Variants in TMEM108 observed in about 807,000 individuals in gnomAD.
TMEM108 encodes the protein transmembrane protein 108.
In TMEM108, 12 loss-of-function variants were observed where a neutral mutation model predicts 35.1. The observed-to-expected ratio is 0.34, with a 90% CI of 0.22 to 0.55. The LOEUF (loss-of-function observed/expected upper bound fraction) is 0.55, where lower values mean the gene tolerates loss of function less well. TMEM108 is among the 20% of genes least tolerant of loss of function. The probability of loss-of-function intolerance (pLI) is 0.89; values close to 1 mark genes in which losing one functional copy is unlikely to be tolerated. For synonymous variants in TMEM108, 287 were observed against 308.6 expected (o/e 0.93, Z 0.73); for missense variants, 680 against 753.3 (o/e 0.90, Z 1.14).
chr3:133,236,157 A>C (rs577247874), intron 3 of TMEM108, among the ~76,000 whole-genome samples: 2 of 152,160 alleles, frequency 1.3e-5, no homozygotes, highest in Non-Finnish European at 2.9e-5. Context: ...AGTGTTTGCT[A>C]TACACCCAGA....
At chr3:133,073,666 G>T (rs900264880) in intron 2 of TMEM108, among the ~76,000 whole-genome samples, 6 of 151,076 alleles carry the variant, frequency 4.0e-5, no homozygotes, top group African/African-American at 9.7e-5. Context: ...ATTTCCTTTG[G>T]ATATATACCC....
At chr3:133,342,132 A>G (rs2071676009) in intron 3 of TMEM108, among the ~76,000 whole-genome samples, 2 of 152,030 alleles carry the variant, frequency 1.3e-5, no homozygotes, top group South Asian at 2.1e-4. Flanking sequence ...CAGACTATCT[A>G]TCTGACAAGG....
intron 3 of TMEM108, among the ~76,000 whole-genome samples, chr3:133,310,294 C>G (rs2071107854): frequency 6.6e-6 from 1 of 152,246 alleles, no homozygotes; most frequent in South Asian, 2.1e-4. Flanking sequence ...CTAATATTGA[C>G]AGTGGGTTGT....
At chr3:133,118,880 A>G (rs1944318286) in intron 2 of TMEM108, among the ~76,000 whole-genome samples, 2 of 152,274 alleles carry the variant, frequency 1.3e-5, no homozygotes, top group Non-Finnish European at 1.5e-5. Context: ...CCACAGACCA[A>G]TAGTAAGAAG....
chr3:133,174,107 G>T (rs1478296025), intron 2 of TMEM108, among the ~76,000 whole-genome samples: 2 of 152,230 alleles, frequency 1.3e-5, no homozygotes, highest in Non-Finnish European at 2.9e-5. Context: ...AGATCAAACT[G>T]CAAGGTGGCA....
At chr3:133,240,217 T>C (rs1240204148) in intron 3 of TMEM108, among the ~76,000 whole-genome samples, 3 of 152,194 alleles carry the variant, frequency 2.0e-5, no homozygotes, top group African/African-American at 7.2e-5. Flanking sequence ...ATAGATCTCT[T>C]TACTTCTGAG....
At chr3:133,168,804 T>C (rs1945083702) in intron 2 of TMEM108, among the ~76,000 whole-genome samples, 1 of 152,192 alleles carries the variant, frequency 6.6e-6, no homozygotes, top group Non-Finnish European at 1.5e-5. Context: ...TTACTTTGCC[T>C]TTATGAGCTG....
intron 3 of TMEM108, among the ~76,000 whole-genome samples, chr3:133,323,516 A>G (rs1331577809): frequency 4.6e-5 from 7 of 152,202 alleles, no homozygotes; most frequent in Non-Finnish European, 1.0e-4. Context: ...GTACTGAAAG[A>G]AATTATAGAT....
rs750313667 is a variant in TMEM108 at position 133,380,344 on chromosome 3, G to C, written c.633G>C (p.Arg211=). 6.2e-7 allele frequency: 1 copy of C among 1,614,096 alleles called. No individual in the cohort carries two copies. The highest frequency in any genetic ancestry group is 8.5e-7 in the Non-Finnish European group (1 of 1,179,994). Residue 211 remains arginine (R), a synonymous_variant, in exon 4 of 6, where the codon CGG becomes CGC. Coordinates refer to ENST00000321871, the MANE Select transcript of TMEM108 (RefSeq NM_023943.4). This position sits in a 1 kb window ranked among gnomAD's most constrained non-coding sequence, Gnocchi z 5.3. ...GCTCCACACCTCTGGGGCAGAAGCG[G>C]CCCCTGGGGAAAATCTTTCAGATCT... The part of the protein sequence containing the change: ...NPSSTPLGQK[R]PLGKIFQIYK...
chr3:133,106,272 A>T (rs920989748), intron 2 of TMEM108, among the ~76,000 whole-genome samples: 9 of 143,290 alleles, frequency 6.3e-5, no homozygotes, highest in Non-Finnish European at 1.0e-4. Flanking sequence ...TCTATACTGG[A>T]TTTCACTTAG....
intron 2 of TMEM108, chr3:133,121,072 C>T (rs1944346918): frequency 2.0e-5 from 3 of 152,160 alleles, no homozygotes; most frequent in Admixed American, 2.0e-4. Context: ...GAAGGTGAGT[C>T]TCTGCTTTCA....
At chr3:133,121,709 T>G (rs1484020643) in intron 2 of TMEM108, among the ~76,000 whole-genome samples, 5 of 152,196 alleles carry the variant, frequency 3.3e-5, no homozygotes, top group African/African-American at 1.2e-4. Flanking sequence ...AGAGATTTCC[T>G]GGAGTTAGGA....
intron 2 of TMEM108, among the ~76,000 whole-genome samples, chr3:133,048,402 C>T (rs537253280): frequency 3.3e-5 from 5 of 152,248 alleles, no homozygotes; most frequent in Admixed American, 2.6e-4. Flanking sequence ...TTAATATATG[C>T]CCTTTGAATT....
chr3:133,255,232 T>C (rs1226297445), intron 3 of TMEM108, among the ~76,000 whole-genome samples: 1 of 152,186 alleles, frequency 6.6e-6, no homozygotes, highest in Non-Finnish European at 1.5e-5. Flanking sequence ...AGCCAGAGTA[T>C]TGTTGCATCC....
chr3:133,287,173 T>C (rs958928828), intron 3 of TMEM108, among the ~76,000 whole-genome samples: 23 of 152,150 alleles, frequency 1.5e-4, no homozygotes, highest in Non-Finnish European at 3.1e-4. Context: ...ACTCACCTGC[T>C]CCAGACATTT....
intron 2 of TMEM108, among the ~76,000 whole-genome samples, chr3:133,178,785 C>T (rs562829716): frequency 6.6e-6 from 1 of 152,266 alleles, no homozygotes; most frequent in African/African-American, 2.4e-5. Flanking sequence ...AAAGCAATGG[C>T]AACAAAAGCC....
intron 2 of TMEM108, among the ~76,000 whole-genome samples, chr3:133,124,315 A>G (rs1039466395): frequency 3.3e-5 from 5 of 152,258 alleles, no homozygotes; most frequent in African/African-American, 1.2e-4. Flanking sequence ...TGTGACGTAC[A>G]TGGCAAAATG....
chr3:133,260,148 T>C (rs1197068176), intron 3 of TMEM108, among the ~76,000 whole-genome samples: 1 of 152,154 alleles, frequency 6.6e-6, no homozygotes, highest in African/African-American at 2.4e-5. Context: ...CCTGTGACTG[T>C]TTGGGTCTTC....
At chr3:133,222,769 C>T (rs561768417) in intron 2 of TMEM108, among the ~76,000 whole-genome samples, 1 of 152,108 alleles carries the variant, frequency 6.6e-6, no homozygotes, top group African/African-American at 2.4e-5. Context: ...TTAAATTTCT[C>T]ATTTTGGTCA....
Sources: allele counts gnomAD v4.1 joint callset (sites outside exome capture counted in the v4.1 genomes callset), GRCh38; gene constraint gnomAD v4.1.1; non-coding constraint Gnocchi (gnomAD v3.1); transcripts MANE v1.5; gene names NCBI Gene and HGNC (gene_info 2026-07-23, HGNC 2026-07-21).